The following CCDC12 variants were observed in gnomAD, a reference collection of about 807,000 sequenced individuals.
CCDC12 encodes coiled-coil domain containing 12.
A neutral mutation model predicts 25.7 loss-of-function variants in CCDC12; 28 were observed. The ratio of observed to expected loss-of-function variants is 1.09; its 90% confidence interval spans 0.81 to 1.50. The LOEUF (loss-of-function observed/expected upper bound fraction) is 1.50, where lower values mean the gene tolerates loss of function less well. Ranked by LOEUF, CCDC12 falls within the 40% of genes most tolerant of loss-of-function variation. The pLI is 0.00. For missense variants in CCDC12, 198 were observed against 210.0 expected (o/e 0.94, Z 0.35); for synonymous variants, 75 against 87.7 (o/e 0.86, Z 0.81).
chr3:46,951,824 C>CATATATATATAT (rs2034139931), intron 1 of CCDC12, among the ~76,000 whole-genome samples: 1 of 41,628 alleles, frequency 2.4e-5, no homozygotes, highest in Non-Finnish European at 4.3e-5. Flanking sequence ...TATATATATA[C>CATATATATATAT]TTAATGAGGA....
At chr3:46,976,332 C>T (rs1479959545) in intron 1 of CCDC12, 6 of 1,290,706 alleles carry the variant, frequency 4.6e-6, no homozygotes, top group Non-Finnish European at 5.9e-6. Flanking sequence ...TCTGAACCTA[C>T]AGGCAGCCCT....
chr3:46,948,395 C>T (rs1291281098), intron 1 of CCDC12, among the ~76,000 whole-genome samples: 2 of 152,334 alleles, frequency 1.3e-5, no homozygotes, highest in African/African-American at 4.8e-5. Flanking sequence ...GAGATAAGGA[C>T]GGGAACTAGG....
At chr3:46,979,784 T>G, upstream of CCDC12, 1 of 369,180 alleles carries the variant, frequency 2.7e-6, no homozygotes. Flanking sequence ...CCCATGGGCC[T>G]GGCCGAGGGC....
chr3:46,945,701 A>T (rs888258906), intron 1 of CCDC12, among the ~76,000 whole-genome samples: 1 of 152,134 alleles, frequency 6.6e-6, no homozygotes, highest in Admixed American at 6.6e-5. Flanking sequence ...GACTGTATAG[A>T]TTTTCTATTT....
intron 1 of CCDC12, 151 bp downstream of exon 1, chr3:46,976,486 G>A: frequency 2.1e-6 from 3 of 1,435,940 alleles, no homozygotes; most frequent in Non-Finnish European, 2.7e-6. Flanking sequence ...GACATCGTGG[G>A]AGGGCGCCGT....
chr3:46,925,165 T>C, intron 3 of CCDC12: 1 of 588,252 alleles, frequency 1.7e-6, no homozygotes. Context: ...CCAGGAGTCC[T>C]CTGAGAGGAT....
chr3:46,927,313 C>T (rs1434733580), intron 2 of CCDC12, among the ~76,000 whole-genome samples: 1 of 152,076 alleles, frequency 6.6e-6, no homozygotes, highest in African/African-American at 2.4e-5. Context: ...CAAAGGCTTT[C>T]GTTCACAACA....
chr3:46,976,449 A>C (rs1343249912), intron 1 of CCDC12, 188 bp downstream of exon 1: 3 of 1,423,724 alleles, frequency 2.1e-6, no homozygotes, highest in African/African-American at 2.9e-5. Context: ...CACCAGCGCC[A>C]GAGGAGTCCC....
chr3:46,977,050 G>A, upstream of CCDC12: 1 of 412,460 alleles, frequency 2.4e-6, no homozygotes, highest in Non-Finnish European at 4.4e-6. Context: ...CCTGAGAGAA[G>A]GAGAAAAGAG....
rs562001601 is a variant in CCDC12 at position 46,922,223 on chromosome 3, G to C, written c.418+13C>G. ...AGTGGGCAGGACCCCACCTTCCCAG[G>C]CACTGCACTTACGGATCAGCTCGGC... On this transcript the variant is annotated intron_variant, in intron 6 of 6. Transcript: ENST00000683445. 3 of 1,614,122 alleles carry C rather than the reference G, an allele frequency of 1.9e-6. No individual in the cohort carries two copies. The highest frequency in any genetic ancestry group is 2.5e-6 in the Non-Finnish European group (3 of 1,180,026).
chr3:46,975,591 C>T (rs1460000489), intron 1 of CCDC12, among the ~76,000 whole-genome samples: 1 of 136,066 alleles, frequency 7.3e-6, no homozygotes, highest in Non-Finnish European at 1.5e-5. Context: ...AGTGCAGTGG[C>T]AGGATCTCGG....
chr3:46,974,322 T>C (rs141054585), intron 1 of CCDC12, among the ~76,000 whole-genome samples: 38 of 152,288 alleles, frequency 2.5e-4, no homozygotes, highest in Admixed American at 3.9e-4. Flanking sequence ...TTTTAAAACA[T>C]AGAAAAAATA....
chr3:46,922,453 C>T, intron 5 of CCDC12, 141 bp from the exon 6 acceptor site: 2 of 828,748 alleles, frequency 2.4e-6, no homozygotes, highest in African/African-American at 1.7e-5. Context: ...GAGGCCAGGA[C>T]ATTCCCCTTC....
intron 1 of CCDC12, among the ~76,000 whole-genome samples, chr3:46,951,496 T>C (rs1473755191): frequency 4.0e-5 from 6 of 151,556 alleles, no homozygotes; most frequent in African/African-American, 1.2e-4. Flanking sequence ...AAAATCATTT[T>C]AGGGCTGGGC....
intron 1 of CCDC12, among the ~76,000 whole-genome samples, chr3:46,942,748 A>C (rs184279611): frequency 2.0e-5 from 3 of 152,316 alleles, no homozygotes; most frequent in African/African-American, 7.2e-5. Flanking sequence ...CAGCGAGAAC[A>C]AAATAACTGA....
chr3:46,926,169 C>T (rs2032949067), intron 2 of CCDC12, among the ~76,000 whole-genome samples: 1 of 152,208 alleles, frequency 6.6e-6, no homozygotes, highest in Non-Finnish European at 1.5e-5. Context: ...TGGAGGGCTC[C>T]AGAGGGGCGT....
chr3:46,944,849 C>T (rs2033843981), intron 1 of CCDC12, among the ~76,000 whole-genome samples: 3 of 152,198 alleles, frequency 2.0e-5, no homozygotes, highest in Admixed American at 2.0e-4. Flanking sequence ...GCTCAAAGCT[C>T]TCACTGGGTC....
chr3:46,935,890 C>A (rs1185281047), intron 2 of CCDC12, among the ~76,000 whole-genome samples: 1 of 152,212 alleles, frequency 6.6e-6, no homozygotes, highest in Non-Finnish European at 1.5e-5. Flanking sequence ...AGATTCAATG[C>A]AATTCTATCA....
upstream of CCDC12, among the ~76,000 whole-genome samples, chr3:46,977,682 A>AC (rs2035037499): frequency 6.6e-6 from 1 of 152,064 alleles, no homozygotes; most frequent in Non-Finnish European, 1.5e-5. Context: ...TCTGGACTCA[A>AC]AGATGATCCC....
Sources: gnomAD v4.1 joint callset for allele counts (sites outside exome capture counted in the v4.1 genomes callset) on GRCh38, gnomAD v4.1.1 for gene constraint, MANE v1.5 for transcripts, NCBI Gene and HGNC (gene_info 2026-07-23, HGNC 2026-07-21) for gene names.